The following EVC variants were observed in gnomAD, a reference collection of about 807,000 sequenced individuals.
EVC encodes the protein EvC ciliary complex subunit 1.
Under a neutral mutation model 118.9 loss-of-function variants are expected in EVC, and 116 were observed. The ratio of observed to expected loss-of-function variants is 0.98; its 90% confidence interval spans 0.84 to 1.14. The LOEUF (loss-of-function observed/expected upper bound fraction) is 1.14, where lower values mean the gene tolerates loss of function less well. Ranked by LOEUF, EVC falls within the 50% of genes most tolerant of loss-of-function variation. The pLI is 0.00. For synonymous variants in EVC, 619 were observed against 534.7 expected, an observed-to-expected ratio of 1.16 and a Z score of -2.18; for missense variants, 1,401 against 1,246.4, an observed-to-expected ratio of 1.12 and a Z score of -1.87.
At chr4:5,810,826 T>A in intron 20 of EVC, 127 bp from the exon 21 acceptor site, 2 of 904,370 alleles carry the variant, frequency 2.2e-6, no homozygotes, top group Non-Finnish European at 3.6e-6. Context: ...TAACAACCCA[T>A]GTCAAAGTAA....
At chr4:5,759,542 C>G (rs1208984436) in intron 11 of EVC, among the ~76,000 whole-genome samples, 2 of 152,146 alleles carry the variant, frequency 1.3e-5, no homozygotes, top group Admixed American at 6.5e-5. Context: ...TCCTCCTCAC[C>G]CCCTATGGTA....
chr4:5,748,583 C>CCCAT (rs1282932713), intron 8 of EVC, among the ~76,000 whole-genome samples: 5 of 81,004 alleles, frequency 6.2e-5, no homozygotes, highest in South Asian at 4.1e-4. Context: ...CATCCATCCA[C>CCCAT]CCATCCATCC....
At chr4:5,817,508 G>A (rs1301549988), downstream of EVC, among the ~76,000 whole-genome samples, 3 of 152,180 alleles carry the variant, frequency 2.0e-5, no homozygotes, top group Non-Finnish European at 2.9e-5. Flanking sequence ...GTGCACCAGG[G>A]CCCCTGTGTC....
Position 5,743,149 on chromosome 4 carries a change from C to G in EVC, c.801+1335C>G, listed in dbSNP as rs1376587836. On this transcript the variant is annotated intron_variant, in intron 6 of 20. Transcript: ENST00000264956. The surrounding 1 kb of genome is among the most constrained non-coding windows in gnomAD (Gnocchi z 4.7). ...ATGGCATTTGTAATCTGTGGTTGTG[C>G]TGGTGGGAGTGTCTTATGCTAATGA... Among the ~76,000 whole-genome samples the G allele has an allele frequency of 6.6e-6, 1 of 152,092 alleles. No homozygotes were observed. The highest frequency in any genetic ancestry group is 2.4e-5 in the African/African-American group (1 of 41,418).
intron 11 of EVC, among the ~76,000 whole-genome samples, chr4:5,760,710 G>A (rs28498496): frequency 0.45 from 68,859 of 151,544 alleles, 16,105 homozygotes; most frequent in South Asian, 0.58. Context: ...GTGCCACCAC[G>A]CCCAGCTAAT....
chr4:5,768,937 C>CCTTG, intron 11 of EVC, among the ~76,000 whole-genome samples: 1 of 152,216 alleles, frequency 6.6e-6, no homozygotes, highest in Non-Finnish European at 1.5e-5. Flanking sequence ...AGGTACCCTG[C>CCTTG]CTTGCTGGCT....
chr4:5,730,750 C>T (rs1452998964), intron 3 of EVC, among the ~76,000 whole-genome samples: 1 of 151,952 alleles, frequency 6.6e-6, no homozygotes, highest in Admixed American at 6.6e-5. Context: ...GGGGGTGTTT[C>T]AGGTAGGGGG....
At chr4:5,824,096 T>C in the EVC span, among the ~76,000 whole-genome samples, 1 of 152,196 alleles carries the variant, frequency 6.6e-6, no homozygotes, top group African/African-American at 2.4e-5. Context: ...TTCATTGTTA[T>C]TCTTGTTCTA....
intron 11 of EVC, 78 bp from the exon 12 acceptor site, chr4:5,783,474 G>C (rs1158136067): frequency 7.2e-7 from 1 of 1,391,404 alleles, no homozygotes; most frequent in African/African-American, 1.4e-5. Flanking sequence ...GGCTTGTGGA[G>C]GAGAGGCAGA....
chr4:5,732,772 G>A (rs1288377516), intron 4 of EVC, among the ~76,000 whole-genome samples: 1 of 152,222 alleles, frequency 6.6e-6, no homozygotes, highest in Non-Finnish European at 1.5e-5. Flanking sequence ...ACATTTGGGA[G>A]GCCAAGGTGG....
chr4:5,816,607 C>G (rs561682821), downstream of EVC, among the ~76,000 whole-genome samples: 5 of 149,248 alleles, frequency 3.4e-5, no homozygotes, highest in Non-Finnish European at 6.0e-5. Flanking sequence ...TTCCTTACCC[C>G]CTCTGTCCTT....
chr4:5,721,603 C>A (rs754700205), intron 2 of EVC, among the ~76,000 whole-genome samples: 12 of 152,192 alleles, frequency 7.9e-5, no homozygotes, highest in Non-Finnish European at 1.8e-4. Context: ...CATGGTGGCT[C>A]ATGCCTGTAA....
At position 5,756,643 on chromosome 4, in the gene EVC, G is replaced by A. The variant is rs186192835; in HGVS notation, c.1563+281G>A. Reference sequence around the variant, plus strand: ...TGTCAGCAAAGCTCTTTGGAAATCCGTTCTCCCCAGGTGAGAAATAGGCCC... The same window carrying A: ...TGTCAGCAAAGCTCTTTGGAAATCCATTCTCCCCAGGTGAGAAATAGGCCC... On this transcript the variant is annotated intron_variant, in intron 11 of 20. Transcript: ENST00000264956. The surrounding 1 kb of genome is among the most constrained non-coding windows in gnomAD (Gnocchi z 4.2). 1.3e-3 allele frequency among the ~76,000 whole-genome samples: 194 copies of A among 152,302 alleles called. No homozygotes were observed. The highest frequency in any genetic ancestry group is 4.1e-3 in the African/African-American group (169 of 41,568).
rs778108920 is a variant in EVC at position 5,809,600 on chromosome 4, G to A, written c.2771G>A (p.Arg924His). 28 of 1,613,980 alleles carry A rather than the reference G, an allele frequency of 1.7e-5. No individual in the cohort carries two copies. The highest frequency in any genetic ancestry group is 4.5e-5 in the East Asian group (2 of 44,880). Residue 924 changes from arginine to histidine, a missense_variant, in exon 19 of 21, where the codon CGT (arginine) becomes CAT (histidine). Arg to His is a conservative substitution (Grantham distance 29). Coordinates refer to ENST00000264956, the MANE Select transcript of EVC (RefSeq NM_153717.3). ...GAAAGCAAACTGTTGCCTGCTAAGC[G>A]TGGGCTGCTAGGTGAGTCACAGATG... ...LAESKLLPAKRGLLEKPLRTK... is the reference protein window; with the variant it reads ...LAESKLLPAKHGLLEKPLRTK...
chr4:5,753,178 C>T, intron 9 of EVC, 126 bp downstream of exon 9: 3 of 931,868 alleles, frequency 3.2e-6, no homozygotes, highest in Non-Finnish European at 5.0e-6. Context: ...TGCCTTTCTG[C>T]TTCTGCCCTA....
intron 5 of EVC, among the ~76,000 whole-genome samples, chr4:5,740,222 G>T (rs1403072237): frequency 6.6e-6 from 1 of 152,146 alleles, no homozygotes; most frequent in African/African-American, 2.4e-5. Context: ...TATAATCCCA[G>T]CACTTTGGGA....
At position 5,743,221 on chromosome 4, in the gene EVC, C is replaced by T. The variant is rs145236719; in HGVS notation, c.801+1407C>T. Among the ~76,000 whole-genome samples, 1 of 152,108 alleles carries T rather than the reference C, an allele frequency of 6.6e-6. No individual in the cohort carries two copies. The highest frequency in any genetic ancestry group is 1.5e-5 in the Non-Finnish European group (1 of 68,026). ...CACTTTCATCACCATCCACTGGTTC[C>T]TGCCGGTTTCTTCACTTTATCCTGT... is the stretch of plus-strand genomic sequence containing the variant. On this transcript the variant is annotated intron_variant, in intron 6 of 20. Coordinates refer to ENST00000264956, the MANE Select transcript of EVC (RefSeq NM_153717.3). This position sits in a 1 kb window ranked among gnomAD's most constrained non-coding sequence, Gnocchi z 4.7.
the EVC span, chr4:5,824,792 A>C: frequency 1.0e-6 from 1 of 962,628 alleles, no homozygotes; most frequent in Non-Finnish European, 1.2e-6. Flanking sequence ...AACGCCTCAA[A>C]GAGTTTGCAG....
In EVC at chr4:5,753,843, A is replaced by T; in HGVS notation, c.1374A>T (p.Gly458=). ...CGTCTCTGGCTCACCAGGTGGAGGG[A>T]ACGGCAAAACTCACGCTGGCCCAAG... The part of the protein sequence containing the change: ...VTASLAHQVE[G]TAKLTLAQEE... Residue 458 remains glycine (G), a synonymous_variant, in exon 10 of 21, where the codon GGA becomes GGT. Coordinates refer to ENST00000264956, the MANE Select transcript of EVC (RefSeq NM_153717.3). The T allele has an allele frequency of 1.2e-6, 2 of 1,613,986 alleles. No homozygotes were observed. The highest frequency in any genetic ancestry group is 1.7e-6 in the Non-Finnish European group (2 of 1,179,994).
Sources: gnomAD v4.1 joint callset for allele counts (sites outside exome capture counted in the v4.1 genomes callset) on GRCh38, gnomAD v4.1.1 for gene constraint, Gnocchi (gnomAD v3.1) non-coding constraint, MANE v1.5 for transcripts, NCBI Gene and HGNC (gene_info 2026-07-23, HGNC 2026-07-21) for gene names.